Variants in RBFA observed in about 807,000 individuals in gnomAD.
The protein encoded by RBFA is ribosome binding factor A.
In RBFA, 16 loss-of-function variants were observed where a neutral mutation model predicts 27.9. The observed-to-expected ratio is 0.57, with a 90% confidence interval of 0.39 to 0.87. The LOEUF (loss-of-function observed/expected upper bound fraction) is 0.87, where lower values mean the gene tolerates loss of function less well. Ranked by LOEUF, RBFA falls within the 40% of genes least tolerant of loss-of-function variation. RBFA has a pLI of 0.00. For missense variants in RBFA, 456 were observed against 432.1 expected, an observed-to-expected ratio of 1.06 and a Z score of -0.49; for synonymous variants, 181 against 181.0, an observed-to-expected ratio of 1.00 and a Z score of 0.00.
In RBFA at chr18:80,045,812, C is replaced by T. The variant is rs759347548; in HGVS notation, c.689C>T (p.Pro230Leu). The change falls in exon 7 of 7, where the codon CCG becomes CTG. Residue 230 changes from proline to leucine, a missense_variant. Physicochemically the swap from Pro to Leu is moderately conservative, Grantham distance 98. Transcript: ENST00000306735. ...DAPQPCGTTE[P>L]TTSSSLCGID... ...CCACAACCCTGCGGCACCACAGAGCCGACCACAAGCTCCAGTCTGTGTGGG... is the reference window on the plus strand; with the variant it reads ...CCACAACCCTGCGGCACCACAGAGCTGACCACAAGCTCCAGTCTGTGTGGG... 1.2e-5 allele frequency: 18 copies of T among 1,525,702 alleles called. No homozygotes were observed. Among genetic ancestry groups the T allele is most frequent in the East Asian group, 4.5e-5 (2 of 44,090 alleles). The allele number at this position is 1,525,702 out of a possible 1,614,324, so 94.5% of individuals were successfully genotyped here.
rs138311529 is a variant in RBFA, at chr18:80,046,105, G to C, written c.982G>C (p.Gly328Arg). The change falls in exon 7 of 7, where the codon GGA (glycine) becomes CGA (arginine). Residue 328 changes from glycine to arginine, a missense_variant. Physicochemically the swap from Gly to Arg is moderately radical, Grantham distance 125. Transcript: ENST00000306735. ...CACAGAGGAGTTGGAGGCAGAGAGA[G>C]GAGGTGGCAGAACAGAGGATGGCCA... Reference protein sequence around the residue: ...PDTEELEAERGGGRTEDGHSC... With the variant: ...PDTEELEAERRGGRTEDGHSC... 9 of 1,614,074 alleles carry C rather than the reference G, an allele frequency of 5.6e-6. No individual in the cohort carries two copies. In the African/African-American group the frequency reaches 1.1e-4, roughly 19 times the overall value.
chr18:80,045,643 C>T, intron 6 of RBFA, 131 bp from the exon 7 acceptor site: 6 of 1,085,754 alleles, frequency 5.5e-6, no homozygotes, highest in Non-Finnish European at 6.2e-6. Flanking sequence ...CAGTTACCCT[C>T]AGATAGACGT....
In RBFA at chr18:80,045,858, C is replaced by G; in HGVS notation, c.735C>G (p.Asn245Lys). 1.9e-6 allele frequency: 3 copies of G among 1,588,690 alleles called. No individual in the cohort carries two copies. Among genetic ancestry groups the G allele is most frequent in the Non-Finnish European group, 2.6e-6 (3 of 1,167,168 alleles). Residue 245 changes from asparagine to lysine, a missense_variant, in exon 7 of 7, where the codon AAC becomes AAG. Transcript: ENST00000306735. ...SLCGIDHEAL[N>K]KQIMEYKRRK... ...GTGGGATCGATCATGAGGCGCTCAA[C>G]AAGCAGATTATGGAGTACAAAAGGA...
In RBFA at chr18:80,047,512, T is replaced by G. The variant is rs542762312; in HGVS notation, c.*1357T>G. On this transcript the variant is annotated 3_prime_UTR_variant, in exon 7 of 7. Transcript: ENST00000306735. ...GCTCTGGGACTAAGCTGTGTATAAG[T>G]CATCAAATGGCAGAAGCAAGATTTT... The G allele has an allele frequency of 1.3e-5, 2 of 152,398 alleles. No individual in the cohort carries two copies. The highest frequency in any genetic ancestry group is 4.1e-4 in the South Asian group (2 of 4,834). The allele number at this position is 152,398 out of a possible 1,614,324, so 9.4% of individuals were successfully genotyped here. A position where few individuals can be genotyped will look rare whatever the true frequency, so the allele number is the denominator to read the frequency against.
rs2051957897 is a variant in RBFA, at chr18:80,034,444, C to T, written c.-52C>T. 1 of 1,419,102 alleles carries T rather than the reference C, an allele frequency of 7.0e-7. No individual in the cohort carries two copies. Among genetic ancestry groups the T allele is most frequent in the Non-Finnish European group, 9.2e-7 (1 of 1,091,996 alleles). The allele number at this position is 1,419,102 out of a possible 1,614,324, so 87.9% of individuals were successfully genotyped here. A position where few individuals can be genotyped will look rare whatever the true frequency, so the allele number is the denominator to read the frequency against. On this transcript the variant is annotated 5_prime_UTR_variant, in exon 1 of 7. Transcript: ENST00000306735. Reference sequence around the variant, plus strand: ...CGCCACCCTCGCGTCAGTTGTCGCTCCGCGCCTGCGCCCGTTGTCTCCCTG... The same window carrying T: ...CGCCACCCTCGCGTCAGTTGTCGCTTCGCGCCTGCGCCCGTTGTCTCCCTG...
chr18:80,046,442 T>A lies in RBFA; in HGVS notation c.*287T>A. 2 of 371,194 alleles carry A rather than the reference T, an allele frequency of 5.4e-6. No homozygotes were observed. The highest frequency in any genetic ancestry group is 6.6e-5 in the East Asian group (1 of 15,214). The allele number at this position is 371,194 out of a possible 1,614,324, so 23.0% of individuals were successfully genotyped here. A position where few individuals can be genotyped will look rare whatever the true frequency, so the allele number is the denominator to read the frequency against. On this transcript the variant is annotated 3_prime_UTR_variant, in exon 7 of 7. Coordinates refer to ENST00000306735, the MANE Select transcript of RBFA (RefSeq NM_024805.3). ...AGATGCTGGCATGGCCACCTCCACC[T>A]GCAGAGCCCTGCCAGGTGCCAGTGA...
rs150603672 is a variant in RBFA at position 80,040,686 on chromosome 18, G to A, written c.492-1449G>A. 2.2e-4 allele frequency among the ~76,000 whole-genome samples: 34 copies of A among 152,112 alleles called. 1 individual carries two copies. The highest frequency in any genetic ancestry group is 3.3e-4 in the Admixed American group (5 of 15,284). ...TTTCATTGATTTTGTGGGGGGGAGT[G>A]TATATATATATTTTTTGTTAAAAAT... On this transcript the variant is annotated intron_variant, in intron 4 of 6. Transcript: ENST00000306735.
intron 3 of RBFA, 129 bp from the exon 4 acceptor site, chr18:80,038,376 C>T (rs959391097): frequency 3.1e-5 from 20 of 650,096 alleles, no homozygotes; most frequent in Admixed American, 2.5e-4. Flanking sequence ...AGGTGGCCTC[C>T]AGCAGCATGC....
rs370754662 is a variant in RBFA at position 80,046,672 on chromosome 18, A to G, written c.*517A>G. On this transcript the variant is annotated 3_prime_UTR_variant, in exon 7 of 7. Transcript: ENST00000306735. ...CGTGGCGCCGGGGGCTCCGTCCCTGACTGGCCTCTTCACAGCTTTGTGCAG... is the reference window on the plus strand; with the variant it reads ...CGTGGCGCCGGGGGCTCCGTCCCTGGCTGGCCTCTTCACAGCTTTGTGCAG... Among the ~76,000 whole-genome samples the G allele has an allele frequency of 2.6e-5, 4 of 152,294 alleles. No individual in the cohort carries two copies. Among genetic ancestry groups the G allele is most frequent in the African/African-American group, 9.6e-5 (4 of 41,570 alleles).
At position 80,042,519 on chromosome 18, in the gene RBFA, C is replaced by T. The variant is rs573639192; in HGVS notation, c.576+300C>T. Among the ~76,000 whole-genome samples the T allele has an allele frequency of 7.2e-5, 11 of 152,008 alleles. No individual in the cohort carries two copies. The East Asian group carries it at 1.7e-3, about 24-fold the overall frequency. ...GGTGCAGTGGCTCAAGCCTGTAATCCCAGCACTTTGGGAGGCCGAGGCAGG... is the reference window on the plus strand; with the variant it reads ...GGTGCAGTGGCTCAAGCCTGTAATCTCAGCACTTTGGGAGGCCGAGGCAGG... On this transcript the variant is annotated intron_variant, in intron 5 of 6. Transcript: ENST00000306735.
In RBFA at chr18:80,034,481, T is replaced by C. The variant is rs545437107; in HGVS notation, c.-15T>C. 2.0e-6 allele frequency: 3 copies of C among 1,517,382 alleles called. No homozygotes were observed. Among genetic ancestry groups the C allele is most frequent in the Non-Finnish European group, 2.6e-6 (3 of 1,142,750 alleles). 94.0% of individuals were successfully genotyped at this position (1,517,382 alleles called of 1,614,324 possible). On this transcript the variant is annotated 5_prime_UTR_variant, in exon 1 of 7. Coordinates refer to ENST00000306735, the MANE Select transcript of RBFA (RefSeq NM_024805.3). Reference sequence around the variant, plus strand: ...CCGTTGTCTCCCTGCTCGCTCCGGGTCCCGGCGCCGCGCCATGTGGGCTGC... The same window carrying C: ...CCGTTGTCTCCCTGCTCGCTCCGGGCCCCGGCGCCGCGCCATGTGGGCTGC...
chr18:80,036,462 A>G (rs1242754923), intron 1 of RBFA, among the ~76,000 whole-genome samples: 3 of 152,226 alleles, frequency 2.0e-5, no homozygotes, highest in African/African-American at 4.8e-5. Flanking sequence ...GGTAAAAATT[A>G]TGAGGTTGAA....
At chr18:80,035,376 TCCTTAGG>T (rs1361412710) in intron 1 of RBFA, 1 of 152,402 alleles carries the variant, frequency 6.6e-6, no homozygotes, top group Non-Finnish European at 1.5e-5. Flanking sequence ...TTGTCTTGTT[TCCTTAGG>T]CTGGGGTAGT....
Position 80,050,140 on chromosome 18 carries a change from G to A in RBFA, c.*3985G>A, listed in dbSNP as rs909053512. Among the ~76,000 whole-genome samples, 9 of 152,160 alleles carry A rather than the reference G, an allele frequency of 5.9e-5. No individual in the cohort carries two copies. The East Asian group carries it at 9.7e-4, about 16-fold the overall frequency. On this transcript the variant is annotated 3_prime_UTR_variant, in exon 7 of 7. Transcript: ENST00000306735. ...AAAATTTGCCAGCTGCCTTGAAGGA[G>A]AGAGGGCTTGAGTGTATTTTGGGGG...
intron 1 of RBFA, 152 bp downstream of exon 1, chr18:80,034,805 T>G: frequency 1.2e-6 from 1 of 854,042 alleles, no homozygotes; most frequent in East Asian, 3.2e-5. Context: ...TAGCTCTCAC[T>G]GTCAGCATTT....
intron 5 of RBFA, 51 bp downstream of exon 5, chr18:80,042,270 A>G: frequency 3.2e-6 from 4 of 1,231,012 alleles, no homozygotes; most frequent in Non-Finnish European, 4.5e-6. Flanking sequence ...TATTTTTTTA[A>G]TTAGAGACAG....
chr18:80,042,307 C>A, intron 5 of RBFA, 88 bp downstream of exon 5: 1 of 756,834 alleles, frequency 1.3e-6, no homozygotes, highest in Non-Finnish European at 1.9e-6. Flanking sequence ...CCAGGCTAGT[C>A]TTGAACTCCT....
chr18:80,036,599 C>A, intron 1 of RBFA, 69 bp from the exon 2 acceptor site: 1 of 1,179,194 alleles, frequency 8.5e-7, no homozygotes, highest in Non-Finnish European at 1.3e-6. Flanking sequence ...GTATCATAAC[C>A]TCTTAAATTA....
rs768497320 is a variant in RBFA, at chr18:80,046,077, G to A, written c.954G>A (p.Pro318=). Residue 318 remains proline (P), a synonymous_variant, in exon 7 of 7, where the codon CCG becomes CCA. Transcript: ENST00000306735. ...VGAPEYECYA[P]DTEELEAERG... ...CCCCGGAGTACGAATGCTATGCCCC[G>A]GACACAGAGGAGTTGGAGGCAGAGA... is the stretch of plus-strand genomic sequence containing the variant. 3.4e-5 allele frequency: 55 copies of A among 1,614,110 alleles called. No homozygotes were observed. The highest frequency in any genetic ancestry group is 4.4e-5 in the Non-Finnish European group (52 of 1,180,032).
Sources: allele counts gnomAD v4.1 joint callset (sites outside exome capture counted in the v4.1 genomes callset), GRCh38; gene constraint gnomAD v4.1.1; transcripts MANE v1.5; gene names NCBI Gene and HGNC (gene_info 2026-07-23, HGNC 2026-07-21).